The following PEPD variants were observed in gnomAD, a reference collection of about 807,000 sequenced individuals.
The protein encoded by PEPD is peptidase D.
PEPD carries 53 observed loss-of-function variants against 60.7 expected under a neutral mutation model. The observed-to-expected ratio is 0.87, with a 90% CI of 0.70 to 1.10. PEPD has a LOEUF of 1.10. PEPD is among the 50% of genes least tolerant of loss of function. The probability of loss-of-function intolerance (pLI) is 0.00; values close to 1 mark genes in which losing one functional copy is unlikely to be tolerated. For missense variants in PEPD, 711 were observed against 711.9 expected (o/e 1.00, Z 0.01); for synonymous variants, 267 against 284.1 (o/e 0.94, Z 0.60).
At chr19:33,448,245 A>T (rs1183991358) in intron 9 of PEPD, among the ~76,000 whole-genome samples, 1 of 152,184 alleles carries the variant, frequency 6.6e-6, no homozygotes, top group African/African-American at 2.4e-5. Context: ...CTGTTCTGGG[A>T]GCCAAACCTC....
At chr19:33,517,899 G>A (rs548729794) in intron 1 of PEPD, among the ~76,000 whole-genome samples, 6 of 151,876 alleles carry the variant, frequency 4.0e-5, no homozygotes, top group Non-Finnish European at 5.9e-5. Flanking sequence ...CCCGGGAGGC[G>A]GAGGTTGCAG....
At position 33,511,168 on chromosome 19, in the gene PEPD, C is replaced by T. The variant is rs1326074241; in HGVS notation, c.202-13G>A. 6.2e-7 allele frequency: 1 copy of T among 1,613,578 alleles called. No individual in the cohort carries two copies. Among genetic ancestry groups the T allele is most frequent in the Admixed American group, 1.7e-5 (1 of 59,986 alleles). On this transcript the variant is annotated splice_polypyrimidine_tract_variant and intron_variant, in intron 2 of 14. Coordinates refer to ENST00000244137, the MANE Select transcript of PEPD (RefSeq NM_000285.4). ...GAAAGAAGGACTCCTGTGGCGGGAA[C>T]AAGAACTATTGTTAGCCAGTGGAAC... is the stretch of plus-strand genomic sequence containing the variant.
At chr19:33,484,369 TAC>T (rs1238383659) in intron 6 of PEPD, among the ~76,000 whole-genome samples, 1 of 152,012 alleles carries the variant, frequency 6.6e-6, no homozygotes, top group East Asian at 1.9e-4. Context: ...TACGTACGCA[TAC>T]ACACGTGCAC....
At chr19:33,403,513 C>T (rs1968550140) in intron 11 of PEPD, among the ~76,000 whole-genome samples, 1 of 152,212 alleles carries the variant, frequency 6.6e-6, no homozygotes, top group African/African-American at 2.4e-5. Flanking sequence ...ACGGTAAACA[C>T]AACCACTCCA....
At chr19:33,406,112 G>A (rs968714107) in intron 11 of PEPD, among the ~76,000 whole-genome samples, 4 of 152,240 alleles carry the variant, frequency 2.6e-5, no homozygotes, top group Non-Finnish European at 5.9e-5. Context: ...AAGCACAGTG[G>A]GGTGAGGCCC....
intron 12 of PEPD, among the ~76,000 whole-genome samples, chr19:33,392,877 G>A (rs1055270931): frequency 2.6e-5 from 4 of 151,766 alleles, no homozygotes; most frequent in African/African-American, 9.7e-5. Context: ...CATCACCCCC[G>A]ACACACTGGG....
intron 9 of PEPD, among the ~76,000 whole-genome samples, chr19:33,440,216 T>A (rs536504502): frequency 2.0e-3 from 301 of 152,242 alleles, no homozygotes; most frequent in Non-Finnish European, 2.8e-3. Flanking sequence ...TCTCCCTGTC[T>A]TCCCCACCTC....
At chr19:33,425,935 G>A (rs1340705224) in intron 9 of PEPD, among the ~76,000 whole-genome samples, 2 of 152,158 alleles carry the variant, frequency 1.3e-5, no homozygotes, top group Non-Finnish European at 2.9e-5. Context: ...TCAGCCTCCT[G>A]AGTAGCTAGG....
chr19:33,475,695 G>A (rs567656778), intron 7 of PEPD, among the ~76,000 whole-genome samples: 78 of 152,314 alleles, frequency 5.1e-4, no homozygotes, highest in African/African-American at 1.9e-3. Flanking sequence ...CAAGCTGTAA[G>A]TGACCACAAG....
chr19:33,407,460 G>T (rs774422150), intron 11 of PEPD, among the ~76,000 whole-genome samples: 5 of 152,202 alleles, frequency 3.3e-5, no homozygotes, highest in Non-Finnish European at 7.3e-5. Flanking sequence ...AGAAGCAGGG[G>T]GATGAGTCCT....
chr19:33,466,683 A>G (rs569952541), intron 7 of PEPD, among the ~76,000 whole-genome samples: 2 of 152,242 alleles, frequency 1.3e-5, no homozygotes, highest in East Asian at 3.9e-4. Context: ...CTTATGGACA[A>G]CTGGAGGAAT....
intron 9 of PEPD, among the ~76,000 whole-genome samples, chr19:33,457,123 G>A (rs1207967511): frequency 1.3e-5 from 2 of 150,556 alleles, no homozygotes; most frequent in Non-Finnish European, 3.0e-5. Flanking sequence ...GCACAGGAGG[G>A]ACTCGGATGA....
At chr19:33,438,409 C>T (rs77251038) in intron 9 of PEPD, among the ~76,000 whole-genome samples, 5 of 152,326 alleles carry the variant, frequency 3.3e-5, no homozygotes, top group Admixed American at 6.5e-5. Context: ...ATGCCAACTG[C>T]GGGACATCAA....
At chr19:33,507,070 C>T (rs956133642) in intron 3 of PEPD, among the ~76,000 whole-genome samples, 8 of 152,144 alleles carry the variant, frequency 5.3e-5, no homozygotes, top group African/African-American at 1.9e-4. Flanking sequence ...ACACATACAC[C>T]ATGCATGTGC....
intron 5 of PEPD, 23 bp downstream of exon 5, chr19:33,493,267 A>G: frequency 6.3e-7 from 1 of 1,581,252 alleles, no homozygotes; most frequent in Non-Finnish European, 8.7e-7. Flanking sequence ...GCACTGCCCC[A>G]CCCCTGGACA....
At chr19:33,421,135 A>G (rs1261071727) in intron 9 of PEPD, among the ~76,000 whole-genome samples, 1 of 152,192 alleles carries the variant, frequency 6.6e-6, no homozygotes, top group Non-Finnish European at 1.5e-5. Flanking sequence ...GATCACAGCT[A>G]TTATGGGTAG....
In PEPD at chr19:33,480,906, C is replaced by T. The variant is rs1489179389; in HGVS notation, c.504-2816G>A. Among the ~76,000 whole-genome samples, 5 of 152,026 alleles carry T rather than the reference C, an allele frequency of 3.3e-5. No individual in the cohort carries two copies. The East Asian group carries it at 5.8e-4, about 18-fold the overall frequency. On this transcript the variant is annotated intron_variant, in intron 6 of 14. Transcript: ENST00000244137. ...AATAGCAGCAGAACAGCCATTTTCT[C>T]AAGTGCACATGGATCATTCTCCAGG... is the stretch of plus-strand genomic sequence containing the variant.
intron 9 of PEPD, among the ~76,000 whole-genome samples, chr19:33,427,341 C>A (rs987169984): frequency 2.0e-4 from 30 of 152,340 alleles, no homozygotes; most frequent in African/African-American, 7.0e-4. Context: ...GTCCTCAGCA[C>A]CCTCTCGTGC....
chr19:33,521,211 G>T (rs1421039270), intron 1 of PEPD, among the ~76,000 whole-genome samples: 1 of 152,234 alleles, frequency 6.6e-6, no homozygotes, highest in African/African-American at 2.4e-5. Context: ...AGAAGATAAA[G>T]AACAAGTACA....
Sources: gnomAD v4.1 joint callset for allele counts (sites outside exome capture counted in the v4.1 genomes callset) on GRCh38, gnomAD v4.1.1 for gene constraint, MANE v1.5 for transcripts, NCBI Gene and HGNC (gene_info 2026-07-23, HGNC 2026-07-21) for gene names.